The following GNA15 variants were observed in gnomAD, a reference collection of about 807,000 sequenced individuals.
GNA15 encodes the protein G protein subunit alpha 15.
GNA15 carries 23 observed loss-of-function variants against 40.1 expected under a neutral mutation model. The observed-to-expected ratio is 0.57, with a 90% CI of 0.41 to 0.81. The LOEUF (loss-of-function observed/expected upper bound fraction) is 0.81, where lower values mean the gene tolerates loss of function less well. Among genes scored for constraint, GNA15 ranks in the 40% least tolerant of loss-of-function variants. The pLI, the probability that GNA15 is intolerant of heterozygous loss-of-function variation, is 0.00. For missense variants in GNA15, 522 were observed against 515.8 expected (o/e 1.01, Z -0.12); for synonymous variants, 226 against 210.4 (o/e 1.07, Z -0.64).
Position 3,151,111 on chromosome 19 carries a change from C to T in GNA15, c.486-596C>T, listed in dbSNP as rs968549184. Among the ~76,000 whole-genome samples the T allele has an allele frequency of 6.6e-6, 1 of 151,362 alleles. No individual in the cohort carries two copies. Among genetic ancestry groups the T allele is most frequent in the Non-Finnish European group, 1.5e-5 (1 of 67,780 alleles). On this transcript the variant is annotated intron_variant, in intron 3 of 6. Transcript: ENST00000262958. This position sits in a 1 kb window ranked among gnomAD's most constrained non-coding sequence, Gnocchi z 5.0. ...CTAGAGAACCCTGTTCCCGGAGTGACCCTATTCCTGGCGGGAACCTGTTCC... is the reference window on the plus strand; with the variant it reads ...CTAGAGAACCCTGTTCCCGGAGTGATCCTATTCCTGGCGGGAACCTGTTCC...
chr19:3,144,744 G>C (rs559170325), intron 1 of GNA15, among the ~76,000 whole-genome samples: 1 of 151,288 alleles, frequency 6.6e-6, no homozygotes, highest in African/African-American at 2.4e-5. Context: ...TAGCCAGGAT[G>C]GTCTCGATCT....
intron 5 of GNA15, among the ~76,000 whole-genome samples, chr19:3,156,651 C>T (rs1775845249): frequency 6.6e-6 from 1 of 151,948 alleles, no homozygotes; most frequent in Non-Finnish European, 1.5e-5. Context: ...CGCCACCACG[C>T]TCGGCTAATT....
chr19:3,139,818 G>A (rs1259846758), intron 1 of GNA15, among the ~76,000 whole-genome samples: 2 of 151,746 alleles, frequency 1.3e-5, no homozygotes, highest in East Asian at 1.9e-4. Flanking sequence ...GGTGGATCAC[G>A]AGGTCAGGAG....
intron 1 of GNA15, chr19:3,142,257 G>C (rs1463433117): frequency 6.6e-6 from 1 of 152,194 alleles, no homozygotes; most frequent in Non-Finnish European, 1.5e-5. Flanking sequence ...CAGGAGCTGG[G>C]GGATGTCTGG....
intron 1 of GNA15, among the ~76,000 whole-genome samples, chr19:3,144,080 C>T (rs1481737378): frequency 2.0e-5 from 3 of 148,840 alleles, no homozygotes; most frequent in Non-Finnish European, 3.0e-5. Context: ...GCCGAGATCG[C>T]GACACTGCAC....
At chr19:3,154,338 C>T (rs553001673) in intron 4 of GNA15, among the ~76,000 whole-genome samples, 11 of 106,658 alleles carry the variant, frequency 1.0e-4, no homozygotes, top group East Asian at 3.4e-4. Flanking sequence ...TGGTGGGTGA[C>T]GGATGAATGG....
intron 6 of GNA15, among the ~76,000 whole-genome samples, chr19:3,158,678 G>C (rs1179523203): frequency 6.6e-6 from 1 of 152,034 alleles, no homozygotes; most frequent in African/African-American, 2.4e-5. Context: ...CTGGAGTACA[G>C]TGGTGCGATC....
chr19:3,155,811 G>C lies in GNA15; in HGVS notation c.615-12G>C, dbSNP rs1219117758. On this transcript the variant is annotated splice_polypyrimidine_tract_variant and intron_variant, in intron 4 of 6. Coordinates refer to ENST00000262958, the MANE Select transcript of GNA15 (RefSeq NM_002068.4). The surrounding 1 kb of genome is among the most constrained non-coding windows in gnomAD (Gnocchi z 5.6). ...CCTGAGCTCTGAAAGGGGGCACCTC[G>C]GTTCCCTGTAGGATCGTGGACGTCG... is the stretch of plus-strand genomic sequence containing the variant. 6.8e-6 allele frequency: 11 copies of C among 1,611,468 alleles called. No homozygotes were observed. In the East Asian group the frequency reaches 1.3e-4, roughly 20 times the overall value.
chr19:3,137,993 A>G (rs10416404), intron 1 of GNA15, among the ~76,000 whole-genome samples: 2,535 of 151,648 alleles, frequency 0.017, 68 homozygotes, highest in African/African-American at 0.057. Context: ...AAATAAATAA[A>G]TAAATCATGC....
rs375009669 is a variant in GNA15, at chr19:3,162,686, G to T, written c.899-107G>T. 1.0e-4 allele frequency: 68 copies of T among 682,316 alleles called. No homozygotes were observed. In the African/African-American group the frequency reaches 1.1e-3, roughly 11 times the overall value. 42.3% of individuals were successfully genotyped at this position (682,316 alleles called of 1,614,324 possible). On this transcript the variant is annotated intron_variant, in intron 6 of 6. Transcript: ENST00000262958. Reference sequence around the variant, plus strand: ...GTCAACGCACAGAAAAATGACAGGCGCGATCCCTGGGTCCCTTCAGTGCTG... The same window carrying T: ...GTCAACGCACAGAAAAATGACAGGCTCGATCCCTGGGTCCCTTCAGTGCTG...
At chr19:3,146,029 C>T (rs915230386) in intron 1 of GNA15, among the ~76,000 whole-genome samples, 1 of 152,108 alleles carries the variant, frequency 6.6e-6, no homozygotes, top group South Asian at 2.1e-4. Context: ...AGGTGACACC[C>T]CCGCCCCTTC....
At chr19:3,156,721 C>T (rs917368473) in intron 5 of GNA15, among the ~76,000 whole-genome samples, 1 of 152,062 alleles carries the variant, frequency 6.6e-6, no homozygotes, top group Non-Finnish European at 1.5e-5. Context: ...TGGTCTCAAT[C>T]TCCTGACCTC....
At chr19:3,145,359 A>ATATATATATATATATATATATATTTTT in intron 1 of GNA15, among the ~76,000 whole-genome samples, 4 of 46,964 alleles carry the variant, frequency 8.5e-5, no homozygotes, top group African/African-American at 1.8e-4. Context: ...ATATATATAT[A>ATATATATATATATATATATATATTTTT]TTTTTTTTTT....
rs935707950 is a variant in GNA15, at chr19:3,162,983, G to A, written c.1089G>A (p.Val363=). The change falls in exon 7 of 7, where the codon GTG becomes GTA. Residue 363 remains valine (V), a synonymous_variant. Transcript: ENST00000262958. ...TCTTCAAGGACGTGCGGGACTCGGT[G>A]CTCGCCCGCTACCTGGACGAGATCA... ...RKVFKDVRDS[V]LARYLDEINL... 1 of 1,613,892 alleles carries A rather than the reference G, an allele frequency of 6.2e-7. No individual in the cohort carries two copies. Among genetic ancestry groups the A allele is most frequent in the Non-Finnish European group, 8.5e-7 (1 of 1,179,872 alleles).
At position 3,163,273 on chromosome 19, in the gene GNA15, G is replaced by A. The variant is rs539501999; in HGVS notation, c.*254G>A. The A allele has an allele frequency of 2.7e-4, 145 of 534,166 alleles. No homozygotes were observed. Among genetic ancestry groups the A allele is most frequent in the South Asian group, 1.7e-3 (77 of 45,410 alleles). The allele number at this position is 534,166 out of a possible 1,614,324, so 33.1% of individuals were successfully genotyped here. On this transcript the variant is annotated 3_prime_UTR_variant, in exon 7 of 7. Coordinates refer to ENST00000262958, the MANE Select transcript of GNA15 (RefSeq NM_002068.4). ...AAGGAGCAAAACGGCCATTTGGGAT[G>A]CCAGGGTGGATGAAAAGGTGAAGAA...
intron 6 of GNA15, among the ~76,000 whole-genome samples, chr19:3,158,793 T>C (rs1232314730): frequency 2.6e-5 from 4 of 152,016 alleles, no homozygotes; most frequent in African/African-American, 9.7e-5. Context: ...GGCTAATTTT[T>C]AGTAGTTTCC....
At chr19:3,152,300 C>T (rs310678) in intron 4 of GNA15, among the ~76,000 whole-genome samples, 126,550 of 152,020 alleles carry the variant, frequency 0.83, 53,141 homozygotes, top group African/African-American at 0.95. Context: ...GCCAGGACAG[C>T]GGGCGTGGGG....
chr19:3,149,713 G>A (rs1914831624), intron 2 of GNA15: 1 of 160,094 alleles, frequency 6.2e-6, no homozygotes, highest in Admixed American at 6.1e-5. Flanking sequence ...AGTCTGGGGG[G>A]CAGCTCAGGG....
chr19:3,139,791 T>G (rs1275692975), intron 1 of GNA15, among the ~76,000 whole-genome samples: 1 of 151,936 alleles, frequency 6.6e-6, no homozygotes, highest in Non-Finnish European at 1.5e-5. Flanking sequence ...ATCACAGCAC[T>G]TTGGGGGGCC....
Sources: gnomAD v4.1 joint callset for allele counts (sites outside exome capture counted in the v4.1 genomes callset) on GRCh38, gnomAD v4.1.1 for gene constraint, Gnocchi (gnomAD v3.1) non-coding constraint, MANE v1.5 for transcripts, NCBI Gene and HGNC (gene_info 2026-07-23, HGNC 2026-07-21) for gene names.